The following PTPRN2 variants were observed in gnomAD, a reference collection of about 807,000 sequenced individuals.
PTPRN2 encodes protein tyrosine phosphatase receptor type N2.
PTPRN2 carries 74 observed loss-of-function variants against 118.8 expected under a neutral mutation model. The observed-to-expected ratio is 0.62, with a 90% CI of 0.52 to 0.76. PTPRN2 has a LOEUF of 0.76. PTPRN2 is among the 30% of genes least tolerant of loss of function. The pLI is 0.00. For synonymous variants in PTPRN2, 641 were observed against 608.0 expected, an observed-to-expected ratio of 1.05 and a Z score of -0.80; for missense variants, 1,481 against 1,394.4, an observed-to-expected ratio of 1.06 and a Z score of -0.99.
chr7:157,723,820 C>T (rs765008753), intron 12 of PTPRN2, among the ~76,000 whole-genome samples: 15 of 152,190 alleles, frequency 9.9e-5, no homozygotes, highest in East Asian at 5.8e-4. Context: ...TGCCCCAAAG[C>T]GAATCCACCA....
chr7:157,722,417 G>GCT (rs1026743228), intron 12 of PTPRN2, among the ~76,000 whole-genome samples: 2 of 152,168 alleles, frequency 1.3e-5, no homozygotes, highest in Admixed American at 6.5e-5. Flanking sequence ...GGGTGCAGGG[G>GCT]CTCTCGAGGC....
chr7:157,569,960 C>T lies in PTPRN2; in HGVS notation c.2838-994G>A, dbSNP rs183531627. Among the ~76,000 whole-genome samples the T allele has an allele frequency of 1.5e-4, 23 of 152,322 alleles. No individual in the cohort carries two copies. The East Asian group carries it at 3.7e-3, about 24-fold the overall frequency. ...ACACTTTCGGTTCTGCTTTCTATGCCGTCTGTGATCCCAAGAAATGACTGG... is the reference window on the plus strand; with the variant it reads ...ACACTTTCGGTTCTGCTTTCTATGCTGTCTGTGATCCCAAGAAATGACTGG... On this transcript the variant is annotated intron_variant, in intron 20 of 22. Transcript: ENST00000389418.
chr7:157,653,895 A>C (rs1240243418), intron 14 of PTPRN2, among the ~76,000 whole-genome samples: 1 of 63,576 alleles, frequency 1.6e-5, no homozygotes. Context: ...CACCCACCCC[A>C]ACTCCACATG....
At chr7:157,746,430 G>A (rs1483251826) in intron 12 of PTPRN2, among the ~76,000 whole-genome samples, 7 of 149,786 alleles carry the variant, frequency 4.7e-5, no homozygotes, top group Non-Finnish European at 8.9e-5. Context: ...CCCTGAGTGT[G>A]GAGATCACGG....
At chr7:158,213,869 T>A (rs1045295440) in intron 3 of PTPRN2, among the ~76,000 whole-genome samples, 8 of 152,148 alleles carry the variant, frequency 5.3e-5, no homozygotes, top group Non-Finnish European at 1.2e-4. Context: ...ATATCATTTA[T>A]AAAATTTAAA....
intron 12 of PTPRN2, among the ~76,000 whole-genome samples, chr7:157,853,482 G>C (rs1247897242): frequency 6.7e-6 from 1 of 149,888 alleles, no homozygotes; most frequent in African/African-American, 2.5e-5. Context: ...CGTCTTCTTT[G>C]TGTGTAACCT....
intron 1 of PTPRN2, among the ~76,000 whole-genome samples, chr7:158,514,539 C>T (rs1020036815): frequency 3.3e-5 from 5 of 152,152 alleles, no homozygotes; most frequent in Non-Finnish European, 7.3e-5. Context: ...ACGACACATC[C>T]CTGCACCCCA....
intron 14 of PTPRN2, among the ~76,000 whole-genome samples, chr7:157,623,799 C>G (rs1348474940): frequency 1.3e-5 from 2 of 152,310 alleles, no homozygotes; most frequent in East Asian, 3.9e-4. Context: ...TGACATCTCT[C>G]TGCACACGCC....
intron 1 of PTPRN2, among the ~76,000 whole-genome samples, chr7:158,518,821 T>C (rs915794924): frequency 1.3e-5 from 2 of 151,972 alleles, no homozygotes; most frequent in Non-Finnish European, 1.5e-5. Flanking sequence ...CCCGTCTCTA[T>C]AAAAAGTACA....
In PTPRN2 at chr7:158,587,681, G is replaced by A; in HGVS notation, c.-12C>T. 1.5e-6 allele frequency: 2 copies of A among 1,314,408 alleles called. No individual in the cohort carries two copies. The highest frequency in any genetic ancestry group is 1.9e-6 in the Non-Finnish European group (2 of 1,034,574). 81.4% of individuals were successfully genotyped at this position (1,314,408 alleles called of 1,614,324 possible). On this transcript the variant is annotated 5_prime_UTR_variant, in exon 1 of 23. Transcript: ENST00000389418. The stretch of plus-strand genomic sequence containing the variant: ...AGCGGCGGCCCCATCCCCGCGGCCT[G>A]GCCGGCGGCGCTCAGTCCATGGCCG...
At position 157,729,850 on chromosome 7, in the gene PTPRN2, G is replaced by A. The variant is rs1046684133; in HGVS notation, c.1789-46913C>T. Among the ~76,000 whole-genome samples the A allele has an allele frequency of 1.3e-5, 2 of 152,136 alleles. No homozygotes were observed. Among genetic ancestry groups the A allele is most frequent in the African/African-American group, 4.8e-5 (2 of 41,434 alleles). Reference sequence around the variant, plus strand: ...GCGGCAGGCGGATGAGGGAAGGACCGTCCATTTGACTGGGCCACAGGTGTT... The same window carrying A: ...GCGGCAGGCGGATGAGGGAAGGACCATCCATTTGACTGGGCCACAGGTGTT... On this transcript the variant is annotated intron_variant, in intron 12 of 22. Coordinates refer to ENST00000389418, the MANE Select transcript of PTPRN2 (RefSeq NM_002847.5). The surrounding 1 kb of genome is among the most constrained non-coding windows in gnomAD (Gnocchi z 4.3).
At chr7:158,414,067 C>CAAAA (rs34928217) in intron 2 of PTPRN2, among the ~76,000 whole-genome samples, 22 of 76,436 alleles carry the variant, frequency 2.9e-4, no homozygotes, top group African/African-American at 7.6e-4. Context: ...GCCTCTATCT[C>CAAAA]AAAAAAAAAA....
At chr7:158,352,943 C>T (rs1808116800) in intron 2 of PTPRN2, among the ~76,000 whole-genome samples, 1 of 152,232 alleles carries the variant, frequency 6.6e-6, no homozygotes, top group African/African-American at 2.4e-5. Context: ...CCAGGCCACC[C>T]AGTTACATTC....
intron 10 of PTPRN2, among the ~76,000 whole-genome samples, chr7:158,104,425 A>T (rs1475373569): frequency 6.6e-6 from 1 of 152,152 alleles, no homozygotes; most frequent in Non-Finnish European, 1.5e-5. Flanking sequence ...AAAGTCATAG[A>T]TGAGGAAATA....
intron 12 of PTPRN2, among the ~76,000 whole-genome samples, chr7:157,688,640 C>T (rs552500330): frequency 6.6e-6 from 1 of 152,374 alleles, no homozygotes; most frequent in African/African-American, 2.4e-5. Context: ...CTGGCCTCCC[C>T]ACCCCGCAAG....
chr7:157,674,985 G>A lies in PTPRN2; in HGVS notation c.2001+7740C>T, dbSNP rs1796596029. On this transcript the variant is annotated intron_variant, in intron 13 of 22. Transcript: ENST00000389418. This position sits in a 1 kb window ranked among gnomAD's most constrained non-coding sequence, Gnocchi z 4.5. ...GCAGAGGCTACAGGCAGGGAGTGGG[G>A]AGACCCAGCCTTCAAGCACAGCGCC... Among the ~76,000 whole-genome samples the A allele has an allele frequency of 6.6e-6, 1 of 152,172 alleles. No homozygotes were observed. Among genetic ancestry groups the A allele is most frequent in the South Asian group, 2.1e-4 (1 of 4,832 alleles).
At chr7:158,263,922 C>T (rs1006868846) in intron 3 of PTPRN2, among the ~76,000 whole-genome samples, 4 of 152,212 alleles carry the variant, frequency 2.6e-5, no homozygotes, top group Non-Finnish European at 5.9e-5. Flanking sequence ...TGAACACCCG[C>T]GTCACTCAGC....
At chr7:158,417,982 A>C (rs113200744) in intron 2 of PTPRN2, among the ~76,000 whole-genome samples, 2 of 114,396 alleles carry the variant, frequency 1.7e-5, no homozygotes, top group African/African-American at 3.4e-5. Context: ...TCAGTGTCCC[A>C]CTGTGTTAAG....
chr7:158,192,618 G>T (rs1825870024), intron 4 of PTPRN2, 123 bp from the exon 5 acceptor site: 2 of 1,122,808 alleles, frequency 1.8e-6, no homozygotes, highest in East Asian at 2.9e-5. Flanking sequence ...GGCCGGCCTG[G>T]CCTTGCTGCT....
Sources: gnomAD v4.1 joint callset for allele counts (sites outside exome capture counted in the v4.1 genomes callset) on GRCh38, gnomAD v4.1.1 for gene constraint, Gnocchi (gnomAD v3.1) non-coding constraint, MANE v1.5 for transcripts, NCBI Gene and HGNC (gene_info 2026-07-23, HGNC 2026-07-21) for gene names.